The following IPO11 variants were observed in gnomAD, a reference collection of about 807,000 sequenced individuals.
The protein encoded by IPO11 is importin-11.
In IPO11, 66 loss-of-function variants were observed where a neutral mutation model predicts 143.2. That is an observed-to-expected ratio of 0.46 (90% CI 0.38 to 0.57). The LOEUF (loss-of-function observed/expected upper bound fraction) is 0.57. Among genes scored for constraint, IPO11 ranks in the 20% least tolerant of loss-of-function variants. The pLI is 0.00. For synonymous variants in IPO11, 385 were observed against 377.8 expected, an observed-to-expected ratio of 1.02 and a Z score of -0.22; for missense variants, 1,026 against 1,141.0, an observed-to-expected ratio of 0.90 and a Z score of 1.45.
intron 29 of IPO11, among the ~76,000 whole-genome samples, chr5:62,626,175 G>A (rs910098041): frequency 2.0e-5 from 3 of 151,936 alleles, no homozygotes; most frequent in Non-Finnish European, 4.4e-5. Context: ...GACTACAGGC[G>A]TGCACCACCA....
At position 62,451,951 on chromosome 5, in the gene IPO11, GT is replaced by G; in HGVS notation, c.516+20del. 1 of 1,596,604 alleles carries G rather than the reference GT, an allele frequency of 6.3e-7. No homozygotes were observed. The highest frequency in any genetic ancestry group is 8.6e-7 in the Non-Finnish European group (1 of 1,164,090). ...TTTATGATGTAAGTGATTTCACATA[GT>G]TAAATTTGATTATGAAAATTGTGCG... On this transcript the variant is annotated intron_variant, in intron 5 of 29. Transcript: ENST00000325324.
intron 1 of IPO11, among the ~76,000 whole-genome samples, chr5:62,435,052 A>ATATATATATATG (rs1744122407): frequency 2.4e-5 from 3 of 123,146 alleles, no homozygotes; most frequent in Non-Finnish European, 3.3e-5. Context: ...GTATATGTGT[A>ATATATATATATG]TATATATATG....
intron 11 of IPO11, among the ~76,000 whole-genome samples, chr5:62,484,996 G>T (rs1249043615): frequency 6.6e-6 from 1 of 151,002 alleles, no homozygotes; most frequent in Non-Finnish European, 1.5e-5. Context: ...AAATTTTTAA[G>T]AGCCCTGAAG....
intron 8 of IPO11, 80 bp from the exon 9 acceptor site, chr5:62,476,603 A>G (rs1057205386): frequency 1.4e-4 from 197 of 1,374,206 alleles, no homozygotes; most frequent in Middle Eastern, 1.9e-4. Context: ...AAAACCAGCA[A>G]TATTATTTTT....
In IPO11 at chr5:62,514,014, C is replaced by G. The variant is rs188010484; in HGVS notation, c.1783-1374C>G. ...CGATGGGCTGCCGGGCAGAGACGCT[C>G]CTCACTTCCTAGATGGGATGGGGGC... On this transcript the variant is annotated intron_variant, in intron 19 of 29. Transcript: ENST00000325324. 8.8e-3 allele frequency among the ~76,000 whole-genome samples: 1,326 copies of G among 151,194 alleles called. 77 individuals carry two copies. The highest frequency in any genetic ancestry group is 0.078 in the Admixed American group (1,191 of 15,250).
intron 7 of IPO11, among the ~76,000 whole-genome samples, chr5:62,472,620 C>T (rs1346386707): frequency 6.6e-6 from 1 of 151,506 alleles, no homozygotes; most frequent in Non-Finnish European, 1.5e-5. Context: ...CTCTGCCTCC[C>T]AAGGTCAAGC....
intron 9 of IPO11, among the ~76,000 whole-genome samples, chr5:62,480,921 TTTTTTTTTTTTG>T (rs1239230937): frequency 1.9e-5 from 2 of 103,514 alleles, no homozygotes; most frequent in East Asian, 2.3e-4. Context: ...TTTTTTTTTT[TTTTTTTTTTTTG>T]GAGACAGAGT....
chr5:62,536,713 G>C lies in IPO11; in HGVS notation c.2101G>C (p.Glu701Gln), dbSNP rs745671999. 6.4e-7 allele frequency: 1 copy of C among 1,573,126 alleles called. No individual in the cohort carries two copies. The highest frequency in any genetic ancestry group is 8.6e-7 in the Non-Finnish European group (1 of 1,166,650). Reference protein sequence around the residue: ...NMSPLLELSSENLRTCFKIIN... With the variant: ...NMSPLLELSSQNLRTCFKIIN... ...TATTGTTTTGGCAGAACTAAGTTCA[G>C]AAAATCTTAGAACTTGCTTTAAGAT... The change falls in exon 23 of 30, where the codon GAA (glutamate) becomes CAA (glutamine). Residue 701 changes from glutamate (E) to glutamine (Q), a missense_variant. This residue lies in a region of IPO11 where 351 missense variants were observed against 358.9 expected (regional missense o/e 0.98). Coordinates refer to ENST00000325324, the MANE Select transcript of IPO11 (RefSeq NM_016338.5).
chr5:62,628,008 A>C lies in IPO11; in HGVS notation c.*690A>C, dbSNP rs541953316. The C allele has an allele frequency of 1.3e-5, 2 of 152,230 alleles. No individual in the cohort carries two copies. Among genetic ancestry groups the C allele is most frequent in the African/African-American group, 4.8e-5 (2 of 41,534 alleles). 9.4% of individuals were successfully genotyped at this position (152,230 alleles called of 1,614,324 possible). A position where few individuals can be genotyped will look rare whatever the true frequency, so the allele number is the denominator to read the frequency against. On this transcript the variant is annotated 3_prime_UTR_variant, in exon 30 of 30. Transcript: ENST00000325324. ...TGCATTTGTAAGGGCCACAAAAGTG[A>C]ACGTGTGGTACTGTAGTACCACGTG...
intron 24 of IPO11, 67 bp downstream of exon 24, chr5:62,537,356 T>G (rs568169390): frequency 9.5e-7 from 1 of 1,053,314 alleles, no homozygotes; most frequent in Non-Finnish European, 1.5e-6. Context: ...AATTGGACTT[T>G]CATTTGGATG....
intron 19 of IPO11, among the ~76,000 whole-genome samples, chr5:62,510,642 A>G (rs1741713567): frequency 6.6e-6 from 1 of 152,130 alleles, no homozygotes; most frequent in African/African-American, 2.4e-5. Flanking sequence ...CCCCACTGGA[A>G]TATGTTTGGC....
chr5:62,464,901 G>A (rs2112188570), intron 5 of IPO11, among the ~76,000 whole-genome samples: 1 of 152,306 alleles, frequency 6.6e-6, no homozygotes, highest in African/African-American at 2.4e-5. Flanking sequence ...TTAAGGAGAT[G>A]CAAAGAAAAG....
At chr5:62,415,656 C>T (rs1322544119) in intron 1 of IPO11, among the ~76,000 whole-genome samples, 5 of 151,594 alleles carry the variant, frequency 3.3e-5, no homozygotes, top group South Asian at 4.2e-4. Flanking sequence ...TTAGTAGAGA[C>T]GGGGTTTCTC....
intron 1 of IPO11, among the ~76,000 whole-genome samples, chr5:62,434,915 C>CT (rs1366349049): frequency 6.6e-6 from 1 of 150,952 alleles, no homozygotes; most frequent in African/African-American, 2.4e-5. Flanking sequence ...GTCGCAGCTA[C>CT]TTGGGAGGCT....
At chr5:62,533,951 T>G (rs1023732797) in intron 22 of IPO11, among the ~76,000 whole-genome samples, 1 of 73,026 alleles carries the variant, frequency 1.4e-5, no homozygotes, top group African/African-American at 6.5e-5. Context: ...TGCTTTCTCT[T>G]TAAAAAAAAA....
chr5:62,574,675 A>G (rs775522559), intron 27 of IPO11, among the ~76,000 whole-genome samples: 6 of 152,220 alleles, frequency 3.9e-5, no homozygotes, highest in Non-Finnish European at 5.9e-5. Context: ...AACTATGCCA[A>G]TATACATCAA....
At chr5:62,588,318 C>T (rs1744880939) in intron 27 of IPO11, among the ~76,000 whole-genome samples, 1 of 151,806 alleles carries the variant, frequency 6.6e-6, no homozygotes, top group African/African-American at 2.4e-5. Flanking sequence ...CCTTGAACTC[C>T]TGGCCTCAAG....
chr5:62,475,917 G>A (rs1745941915), intron 8 of IPO11, among the ~76,000 whole-genome samples: 1 of 152,242 alleles, frequency 6.6e-6, no homozygotes, highest in Non-Finnish European at 1.5e-5. Flanking sequence ...ACAAGTGTGT[G>A]TTTGTGTGTT....
chr5:62,550,338 T>C, intron 24 of IPO11, 29 bp from the exon 25 acceptor site: 1 of 1,503,258 alleles, frequency 6.7e-7, no homozygotes, highest in Non-Finnish European at 9.2e-7. Flanking sequence ...CTTGCAGTAT[T>C]ATCACCAATC....
Sources: allele counts gnomAD v4.1 joint callset (sites outside exome capture counted in the v4.1 genomes callset), GRCh38; gene constraint gnomAD v4.1.1; regional missense constraint gnomAD v4.1.1; transcripts MANE v1.5; gene names NCBI Gene and HGNC (gene_info 2026-07-23, HGNC 2026-07-21).